The following DPP10 variants were observed in gnomAD, a reference collection of about 807,000 sequenced individuals.
DPP10 encodes the protein inactive dipeptidyl peptidase 10.
Under a neutral mutation model 120.9 loss-of-function variants are expected in DPP10, and 33 were observed. The ratio of observed to expected loss-of-function variants is 0.27; its 90% confidence interval spans 0.21 to 0.37. The LOEUF (loss-of-function observed/expected upper bound fraction) is 0.37. Ranked by LOEUF, DPP10 falls within the 10% of genes least tolerant of loss-of-function variation. The pLI is 1.00. For missense variants in DPP10, 816 were observed against 942.8 expected (o/e 0.87, Z 1.76); for synonymous variants, 337 against 326.1 (o/e 1.03, Z -0.36).
intron 3 of DPP10, among the ~76,000 whole-genome samples, chr2:115,449,993 C>T (rs2072969506): frequency 1.3e-5 from 2 of 152,002 alleles, no homozygotes; most frequent in South Asian, 4.1e-4. Context: ...AATTATTCAT[C>T]AGCAGAACAA....
chr2:115,308,700 T>G (rs1158106755), intron 1 of DPP10, among the ~76,000 whole-genome samples: 2 of 149,780 alleles, frequency 1.3e-5, no homozygotes, highest in East Asian at 2.0e-4. Context: ...CCTGTTTTTT[T>G]TTTTTTTTTT....
At chr2:115,019,871 G>C (rs1429078404) in intron 1 of DPP10, among the ~76,000 whole-genome samples, 1 of 152,166 alleles carries the variant, frequency 6.6e-6, no homozygotes, top group African/African-American at 2.4e-5. Context: ...TAGCCTCCTT[G>C]AGCAAAACAA....
chr2:114,533,275 C>T (rs761284183), intron 1 of DPP10, among the ~76,000 whole-genome samples: 2 of 152,178 alleles, frequency 1.3e-5, no homozygotes, highest in Admixed American at 6.5e-5. Context: ...TAGATTCTCA[C>T]ATCCTTTCTC....
chr2:114,548,411 G>T (rs1476482948), intron 1 of DPP10, among the ~76,000 whole-genome samples: 4 of 152,124 alleles, frequency 2.6e-5, no homozygotes, highest in Admixed American at 6.5e-5. Flanking sequence ...TCTCATTCTG[G>T]CTCTGACACC....
intron 16 of DPP10, among the ~76,000 whole-genome samples, chr2:115,781,537 C>A (rs1267154841): frequency 6.6e-6 from 1 of 151,854 alleles, no homozygotes; most frequent in African/African-American, 2.4e-5. Context: ...TCATAGAAAT[C>A]ATTTTCCTTT....
chr2:114,628,558 G>T (rs1694680519), intron 1 of DPP10, among the ~76,000 whole-genome samples: 1 of 152,090 alleles, frequency 6.6e-6, no homozygotes, highest in African/African-American at 2.4e-5. Flanking sequence ...TCATTCATGG[G>T]TCTTTTGCCA....
intron 3 of DPP10, among the ~76,000 whole-genome samples, chr2:115,387,584 G>T (rs938857573): frequency 6.6e-6 from 1 of 152,050 alleles, no homozygotes; most frequent in Non-Finnish European, 1.5e-5. Flanking sequence ...AGAAAGTAAA[G>T]ATCCCAGTCA....
intron 5 of DPP10, among the ~76,000 whole-genome samples, chr2:115,628,037 A>G (rs780220598): frequency 4.5e-5 from 5 of 111,488 alleles, no homozygotes; most frequent in Non-Finnish European, 7.0e-5. Context: ...GGTTCTAGAA[A>G]TGCCATTTCT....
chr2:115,408,501 T>C (rs1001672023), intron 3 of DPP10, among the ~76,000 whole-genome samples: 1 of 152,100 alleles, frequency 6.6e-6, no homozygotes, highest in Admixed American at 6.6e-5. Flanking sequence ...TAAAATATTT[T>C]ACACAACTGT....
intron 1 of DPP10, among the ~76,000 whole-genome samples, chr2:114,886,317 C>A (rs1692063002): frequency 6.6e-6 from 1 of 152,300 alleles, no homozygotes; most frequent in East Asian, 1.9e-4. Flanking sequence ...TCCAAAGCAT[C>A]CTTTATGTCA....
chr2:114,477,978 T>G (rs1680665642), intron 1 of DPP10, among the ~76,000 whole-genome samples: 1 of 151,340 alleles, frequency 6.6e-6, no homozygotes. Context: ...TATATGTGTA[T>G]ATATGTACAT....
At chr2:115,136,596 AG>A (rs2104818332) in intron 1 of DPP10, among the ~76,000 whole-genome samples, 1 of 152,252 alleles carries the variant, frequency 6.6e-6, no homozygotes, top group African/African-American at 2.4e-5. Context: ...CTCATTGCCC[AG>A]GGATTAAAAG....
intron 1 of DPP10, among the ~76,000 whole-genome samples, chr2:115,281,137 A>C (rs1237714597): frequency 4.6e-5 from 7 of 152,164 alleles, no homozygotes; most frequent in Non-Finnish European, 1.0e-4. Flanking sequence ...TTTCTCTCCC[A>C]CTGTTCACTC....
intron 1 of DPP10, among the ~76,000 whole-genome samples, chr2:114,971,735 C>T (rs1192987240): frequency 2.0e-5 from 3 of 152,012 alleles, no homozygotes; most frequent in Non-Finnish European, 2.9e-5. Context: ...GATTAATTCC[C>T]ACTTTTTCTA....
chr2:115,066,770 C>T (rs1706875510), intron 1 of DPP10: 1 of 152,110 alleles, frequency 6.6e-6, no homozygotes, highest in Non-Finnish European at 1.5e-5. Context: ...TAGAGTTTTT[C>T]CCTAACTTTG....
chr2:115,312,099 A>T (rs2061603595), intron 2 of DPP10, among the ~76,000 whole-genome samples: 1 of 152,160 alleles, frequency 6.6e-6, no homozygotes, highest in South Asian at 2.1e-4. Flanking sequence ...TGCATTTCAC[A>T]TACTACATGT....
At chr2:115,125,664 C>T (rs1282639758) in intron 1 of DPP10, among the ~76,000 whole-genome samples, 2 of 151,276 alleles carry the variant, frequency 1.3e-5, no homozygotes, top group African/African-American at 2.4e-5. Flanking sequence ...CGCCTCCTCC[C>T]GGGTTCACGC....
chr2:115,331,515 A>G (rs1005107121), intron 2 of DPP10, among the ~76,000 whole-genome samples: 7 of 152,116 alleles, frequency 4.6e-5, no homozygotes, highest in African/African-American at 1.7e-4. Context: ...TTCAAAGGGA[A>G]TGCTCCCAGT....
At chr2:115,111,876 G>A (rs142718379) in intron 1 of DPP10, among the ~76,000 whole-genome samples, 1 of 152,284 alleles carries the variant, frequency 6.6e-6, no homozygotes, top group East Asian at 1.9e-4. Context: ...TTTCCTCAAA[G>A]TGTTTCTTCA....
Sources: gnomAD v4.1 joint callset for allele counts (sites outside exome capture counted in the v4.1 genomes callset) on GRCh38, gnomAD v4.1.1 for gene constraint, MANE v1.5 for transcripts, NCBI Gene and HGNC (gene_info 2026-07-23, HGNC 2026-07-21) for gene names.